The following TTN variants were observed in gnomAD, a reference collection of about 807,000 sequenced individuals.
TTN encodes titin, also known as connectin.
In TTN, 1,525 loss-of-function variants were observed where a neutral mutation model predicts 3,223.0. That is an observed-to-expected ratio of 0.47 (90% CI 0.45 to 0.49). The LOEUF is 0.49. Among genes scored for constraint, TTN ranks in the 20% least tolerant of loss-of-function variants. The probability of loss-of-function intolerance (pLI) is 0.00; values close to 1 mark genes in which losing one functional copy is unlikely to be tolerated. For synonymous variants in TTN, 14,094 were observed against 15,161.0 expected (o/e 0.93, Z 5.17); for missense variants, 40,786 against 43,424.0 (o/e 0.94, Z 5.40).
Position 178,776,373 on chromosome 2 carries a change from C to A in TTN, c.5491G>T (p.Val1831Leu). Residue 1831 changes from valine (V) to leucine (L), a missense_variant, in exon 28 of 363, where the codon GTA becomes TTA. Transcript: ENST00000589042. ...RMAHEGALTG[V>L]TTDQKEKQKP... ...TGCTTTTCTTTCTGATCTGTTGTTACACCTGTAAGTGCACCTTCATGAGCC... is the reference window on the plus strand; with the variant it reads ...TGCTTTTCTTTCTGATCTGTTGTTAAACCTGTAAGTGCACCTTCATGAGCC... 1.9e-6 allele frequency: 3 copies of A among 1,613,266 alleles called. No individual in the cohort carries two copies. The highest frequency in any genetic ancestry group is 2.5e-6 in the Non-Finnish European group (3 of 1,179,980).
At chr2:178,536,614 C>T in intron 356 of TTN, 39 bp from the exon 357 acceptor site, 4 of 1,448,428 alleles carry the variant, frequency 2.8e-6, no homozygotes, top group Non-Finnish European at 3.6e-6. Context: ...TGAGATGAAA[C>T]AGGCAGCTTT....
Position 178,615,388 on chromosome 2 carries a change from C to A in TTN, c.48557G>T (p.Arg16186Leu), listed in dbSNP as rs769784536. 10 of 1,612,470 alleles carry A rather than the reference C, an allele frequency of 6.2e-6. No homozygotes were observed. Among genetic ancestry groups the A allele is most frequent in the Admixed American group, 5.0e-5 (3 of 59,912 alleles). Residue 16186 changes from arginine to leucine, a missense_variant, in exon 259 of 363, where the codon CGC becomes CTC. By Grantham distance (102) the Arg-to-Leu change is moderately radical. Transcript: ENST00000589042. Reference sequence around the variant, plus strand: ...TCTTTCAACTATATATCCTTTGATGCGTGAACCACCATCATTTTTAGGTGG... The same window carrying A: ...TCTTTCAACTATATATCCTTTGATGAGTGAACCACCATCATTTTTAGGTGG... ...WDPPKNDGGSRIKGYIVERCP... is the reference protein window; with the variant it reads ...WDPPKNDGGSLIKGYIVERCP...
Position 178,747,609 on chromosome 2 carries a change from G to A in TTN, c.11311+5515C>T, listed in dbSNP as rs1192196076. ...TCCATTGAAGTGATTGATTCACTCT[G>A]GACAAGCTTTGCCTGGTCTCTGGTG... On this transcript the variant is annotated intron_variant, in intron 47 of 362. Transcript: ENST00000589042. 3.1e-6 allele frequency: 5 copies of A among 1,613,124 alleles called. No homozygotes were observed. The highest frequency in any genetic ancestry group is 4.2e-6 in the Non-Finnish European group (5 of 1,179,520).
chr2:178,577,290 C>T lies in TTN; in HGVS notation c.69045G>A (p.Ala23015=), dbSNP rs759122929. ...TGGTAGCAGTGATGGTATATTCACC[C>T]GCATCTTTTCTAGTGGCATACTTGA... ...LTIKYATRKD[A]GEYTITATNP... Residue 23015 remains alanine (A), a synonymous_variant, in exon 324 of 363, where the codon GCG becomes GCA. Transcript: ENST00000589042. 4.3e-5 allele frequency: 69 copies of T among 1,612,580 alleles called. No individual in the cohort carries two copies. Among genetic ancestry groups the T allele is most frequent in the Non-Finnish European group, 5.4e-5 (64 of 1,179,454 alleles).
chr2:178,678,271 T>G (rs572270107), intron 144 of TTN, 63 bp from the exon 145 acceptor site: 1 of 1,543,670 alleles, frequency 6.5e-7, no homozygotes, highest in Non-Finnish European at 8.8e-7. Context: ...GCAATAGATA[T>G]GAAAAAGAAT....
chr2:178,715,178 G>A lies in TTN; in HGVS notation c.26008C>T (p.Pro8670Ser). ...VHLECELQGTPPFHVSWYKDK... is the reference protein window; with the variant it reads ...VHLECELQGTSPFHVSWYKDK... ...TTATACCAAGAAACGTGAAATGGGGGAGTGCCCTGAAGCTCACATTCAAGG... is the reference window on the plus strand; with the variant it reads ...TTATACCAAGAAACGTGAAATGGGGAAGTGCCCTGAAGCTCACATTCAAGG... Residue 8670 changes from proline to serine, a missense_variant, in exon 90 of 363, where the codon CCC becomes TCC. By Grantham distance (74) the Pro-to-Ser change is moderately conservative. Coordinates refer to ENST00000589042, the MANE Select transcript of TTN (RefSeq NM_001267550.2). 6.2e-7 allele frequency: 1 copy of A among 1,613,726 alleles called. No individual in the cohort carries two copies.
At position 178,678,053 on chromosome 2, in the gene TTN, T is replaced by G. The variant is rs1468299903; in HGVS notation, c.33994+72A>C. 7.7e-6 allele frequency: 12 copies of G among 1,559,228 alleles called. No individual in the cohort carries two copies. The Middle Eastern group carries it at 8.4e-4, about 110-fold the overall frequency. On this transcript the variant is annotated intron_variant, in intron 145 of 362. Transcript: ENST00000589042. Reference sequence around the variant, plus strand: ...TATCAACATAAATACTAAGCATTAATTATAATTAGTAAGGCTGTATAACAC... The same window carrying G: ...TATCAACATAAATACTAAGCATTAAGTATAATTAGTAAGGCTGTATAACAC...
At position 178,696,199 on chromosome 2, in the gene TTN, C is replaced by T; in HGVS notation, c.30873G>A (p.Glu10291=). 1 of 1,563,142 alleles carries T rather than the reference C, an allele frequency of 6.4e-7. No individual in the cohort carries two copies. The highest frequency in any genetic ancestry group is 1.4e-5 in the African/African-American group (1 of 73,834). The change falls in exon 114 of 363, where the codon GAG becomes GAA. Residue 10291 remains glutamate, a synonymous_variant. Transcript: ENST00000589042. The part of the protein sequence containing the change: ...VKIMTITRKK[E]VQKEKEAVYE... ...ACACAGCTTCTTTTTCTTTCTGAAC[C>T]TCTTTCTTTCTGGTTATAGTCATTA...
At chr2:178,613,730 T>G (rs2056776584) in intron 263 of TTN, 21 bp downstream of exon 263, 1 of 1,607,608 alleles carries the variant, frequency 6.2e-7, no homozygotes. Context: ...CTTAACATCT[T>G]GATGGGGATT....
chr2:178,794,375 G>A, intron 8 of TTN, 24 bp downstream of exon 8: 2 of 1,613,788 alleles, frequency 1.2e-6, no homozygotes, highest in African/African-American at 1.3e-5. Context: ...CTCTGCGGGT[G>A]CCCCATGGCA....
In TTN at chr2:178,605,726, G is replaced by A; in HGVS notation, c.53582-13C>T. On this transcript the variant is annotated splice_polypyrimidine_tract_variant and intron_variant, in intron 278 of 362. Coordinates refer to ENST00000589042, the MANE Select transcript of TTN (RefSeq NM_001267550.2). Reference sequence around the variant, plus strand: ...GATGTTGGAGGACCTTTAGCCAGAGGCAAGTGAAAATGATTAGCATGAGAT... The same window carrying A: ...GATGTTGGAGGACCTTTAGCCAGAGACAAGTGAAAATGATTAGCATGAGAT... 1 of 1,452,592 alleles carries A rather than the reference G, an allele frequency of 6.9e-7. No individual in the cohort carries two copies. The highest frequency in any genetic ancestry group is 9.1e-7 in the Non-Finnish European group (1 of 1,097,078). 90.0% of individuals were successfully genotyped at this position (1,452,592 alleles called of 1,614,324 possible).
rs1235917213 is a variant in TTN at position 178,692,079 on chromosome 2, G to A, written c.31699C>T (p.Pro10567Ser). The A allele has an allele frequency of 1.9e-6, 3 of 1,612,954 alleles. No individual in the cohort carries two copies. The highest frequency in any genetic ancestry group is 1.1e-5 in the South Asian group (1 of 90,994). ...ACTGGCTTTTTCTCCTCTGGCACGG[G>A]TTTCTTGGGAACCTCAGGAACTTTA... Reference protein sequence around the residue: ...APKVPEVPKKPVPEEKKPVPV... With the variant: ...APKVPEVPKKSVPEEKKPVPV... The change falls in exon 121 of 363, where the codon CCC becomes TCC. Residue 10567 changes from proline (P) to serine (S), a missense_variant. Physicochemically the swap from Pro to Ser is moderately conservative, Grantham distance 74 (BLOSUM62 -1). Transcript: ENST00000589042.
rs1553601714 is a variant in TTN, at chr2:178,569,573, A to G, written c.76559T>C (p.Ile25520Thr). 1.2e-6 allele frequency: 2 copies of G among 1,613,046 alleles called. No homozygotes were observed. Among genetic ancestry groups the G allele is most frequent in the East Asian group, 2.2e-5 (1 of 44,672 alleles). The part of the protein sequence containing the change: ...IDLDLELRKI[I>T]NIRAGGSLRL... The stretch of plus-strand genomic sequence containing the variant: ...TAAGGAGCCACCTGCCCTTATATTT[A>G]TGATTTTCCTTAGTTCTAGGTCAAG... Residue 25520 changes from isoleucine to threonine, a missense_variant, in exon 326 of 363, where the codon ATA (isoleucine) becomes ACA (threonine). Transcript: ENST00000589042.
rs2054377809 is a variant in TTN, at chr2:178,604,746, C to T, written c.54343G>A (p.Glu18115Lys). The change falls in exon 281 of 363, where the codon GAG becomes AAG. Residue 18115 changes from glutamate to lysine, a missense_variant. Physicochemically the swap from Glu to Lys is moderately conservative, Grantham distance 56. Transcript: ENST00000589042. ...TCTACAGCAGTGTTGGTGACTTCCT[C>T]CCATTCTGCTTTCTTCCTACTTGCA... ...RDASRKKAEWEEVTNTAVEKR... is the reference protein window; with the variant it reads ...RDASRKKAEWKEVTNTAVEKR... 1 of 1,611,856 alleles carries T rather than the reference C, an allele frequency of 6.2e-7. No homozygotes were observed. Among genetic ancestry groups the T allele is most frequent in the Non-Finnish European group, 8.5e-7 (1 of 1,178,734 alleles).
In TTN at chr2:178,725,771, T is replaced by C. The variant is rs2079237214; in HGVS notation, c.20551A>G (p.Lys6851Glu). ...SDTCVCTVKLKEPPRFVSKLN... is the reference protein window; with the variant it reads ...SDTCVCTVKLEEPPRFVSKLN... The stretch of plus-strand genomic sequence containing the variant: ...CATGTGGATGAACTATATTTACCTT[T>C]CAATTTTACAGTACAAACACAAGTA... The change falls in exon 70 of 363, where the codon AAA becomes GAA. Residue 6851 changes from lysine to glutamate, a missense_variant. By Grantham distance (56) the Lys-to-Glu change is moderately conservative (BLOSUM62 1). Transcript: ENST00000589042. 1 of 1,585,414 alleles carries C rather than the reference T, an allele frequency of 6.3e-7. No individual in the cohort carries two copies. The highest frequency in any genetic ancestry group is 1.2e-5 in the South Asian group (1 of 86,208).
At position 178,534,720 on chromosome 2, in the gene TTN, C is replaced by A; in HGVS notation, c.101895G>T (p.Gln33965His). The A allele has an allele frequency of 6.2e-7, 1 of 1,613,840 alleles. No individual in the cohort carries two copies. The highest frequency in any genetic ancestry group is 8.5e-7 in the Non-Finnish European group (1 of 1,179,798). ...GCCTGAAGTTGTCCCCTGGTTTCAG[C>A]TGACGGGCTTGACCAAATTCTATGA... ...IKIIEFGQAR[Q>H]LKPGDNFRLL... is the part of the protein sequence containing the mutation. The change falls in exon 358 of 363, where the codon CAG becomes CAT. Residue 33965 changes from glutamine to histidine, a missense_variant. Gln to His is a conservative substitution (Grantham distance 24). Transcript: ENST00000589042.
rs886042683 is a variant in TTN, at chr2:178,621,833, CT to C, written c.45082+6del. ...ATATACTTCACAAAGAATGACTTTA[CT>C]CTTACCCAGAACTGTCAGCATGCCA... On this transcript the variant is annotated splice_donor_region_variant and intron_variant, in intron 244 of 362. Transcript: ENST00000589042. 1.2e-6 allele frequency: 2 copies of C among 1,611,772 alleles called. No homozygotes were observed. Among genetic ancestry groups the C allele is most frequent in the Non-Finnish European group, 1.7e-6 (2 of 1,178,838 alleles).
At position 178,547,580 on chromosome 2, in the gene TTN, C is replaced by T. The variant is rs181104321; in HGVS notation, c.94046G>A (p.Arg31349His). Residue 31349 changes from arginine (R) to histidine (H), a missense_variant, in exon 339 of 363, where the codon CGT (arginine) becomes CAT (histidine). By Grantham distance (29) the Arg-to-His change is conservative. Transcript: ENST00000589042. ...CTGCCAAGCTGTTGTACCCGATTCA[C>T]GCTTTTCAACTATGTAATTAGTAAT... is the stretch of plus-strand genomic sequence containing the variant. ...TEITNYIVEK[R>H]ESGTTAWQLV... is the part of the protein sequence containing the mutation. 2,761 of 1,613,824 alleles carry T rather than the reference C, an allele frequency of 1.7e-3. 3 individuals carry two copies. The highest frequency in any genetic ancestry group is 2.8e-3 in the African/African-American group (211 of 75,024).
At chr2:178,641,842 G>A (rs1479397695) in intron 219 of TTN, among the ~76,000 whole-genome samples, 1 of 151,668 alleles carries the variant, frequency 6.6e-6, no homozygotes, top group Non-Finnish European at 1.5e-5. Context: ...ATTAGTTGTG[G>A]TGATCCTGTG....
Sources: gnomAD v4.1 joint callset for allele counts (sites outside exome capture counted in the v4.1 genomes callset) on GRCh38, gnomAD v4.1.1 for gene constraint, MANE v1.5 for transcripts, NCBI Gene and HGNC (gene_info 2026-07-23, HGNC 2026-07-21) for gene names.